USP34: variants seen among roughly 807,000 people sequenced by gnomAD.
The protein encoded by USP34 is ubiquitin carboxyl-terminal hydrolase 34.
USP34 carries 70 observed loss-of-function variants against 460.3 expected under a neutral mutation model. The ratio of observed to expected loss-of-function variants is 0.15; its 90% CI spans 0.13 to 0.19. The LOEUF is 0.19. Among genes scored for constraint, USP34 ranks in the 10% least tolerant of loss-of-function variants. The pLI is 1.00. For synonymous variants in USP34, 1,647 were observed against 1,405.3 expected (o/e 1.17, Z -3.85); for missense variants, 3,985 against 4,236.2 (o/e 0.94, Z 1.65).
At chr2:61,333,585 G>GCTCTT (rs937254139) in intron 19 of USP34, among the ~76,000 whole-genome samples, 1 of 152,046 alleles carries the variant, frequency 6.6e-6, no homozygotes, top group African/African-American at 2.4e-5. Flanking sequence ...CTTTAGTGTG[G>GCTCTT]CTCTTCTTCA....
intron 21 of USP34, among the ~76,000 whole-genome samples, chr2:61,320,710 A>T (rs1317535832): frequency 6.6e-6 from 1 of 152,132 alleles, no homozygotes; most frequent in African/African-American, 2.4e-5. Context: ...ACAAAAAATT[A>T]AAAAACAAAA....
chr2:61,217,447 T>A (rs1264292100), intron 67 of USP34, among the ~76,000 whole-genome samples: 4 of 152,240 alleles, frequency 2.6e-5, no homozygotes, highest in African/African-American at 9.6e-5. Flanking sequence ...TATTCTAAGT[T>A]ATACTAATTC....
intron 41 of USP34, among the ~76,000 whole-genome samples, chr2:61,269,081 T>C (rs1490174199): frequency 1.3e-5 from 2 of 152,156 alleles, no homozygotes; most frequent in Admixed American, 6.5e-5. Context: ...AAGATACTAA[T>C]AAATACATTA....
chr2:61,335,775 G>A (rs922286781), intron 18 of USP34, among the ~76,000 whole-genome samples: 1 of 152,058 alleles, frequency 6.6e-6, no homozygotes, highest in South Asian at 2.1e-4. Context: ...CAATGATCCA[G>A]AGTAATAATA....
chr2:61,348,065 T>G lies in USP34; in HGVS notation c.2090A>C (p.His697Pro), dbSNP rs771597962. Reference sequence around the variant, plus strand: ...AATATCATGTTCTGGGTCTTCAGAGTGTGAACAAGCATCCAGCATTCGCAT... The same window carrying G: ...AATATCATGTTCTGGGTCTTCAGAGGGTGAACAAGCATCCAGCATTCGCAT... ...NRMRMLDACS[H>P]SEDPEHDISG... Residue 697 changes from histidine to proline, a missense_variant, in exon 15 of 80, where the codon CAC becomes CCC. His to Pro is a moderately conservative substitution (Grantham distance 77). Transcript: ENST00000398571. 3.5e-5 allele frequency: 56 copies of G among 1,614,018 alleles called. No homozygotes were observed. The South Asian group carries it at 6.0e-4, about 17-fold the overall frequency.
chr2:61,251,137 C>CA (rs999787001), intron 48 of USP34, among the ~76,000 whole-genome samples: 12 of 150,606 alleles, frequency 8.0e-5, no homozygotes, highest in East Asian at 2.0e-4. Context: ...GACTCCATCT[C>CA]AAAAAAAATA....
rs115426701 is a variant in USP34, at chr2:61,430,417, T to A, written c.44-9584A>T. Among the ~76,000 whole-genome samples, 819 of 151,900 alleles carry A rather than the reference T, an allele frequency of 5.4e-3. 5 individuals carry two copies. The highest frequency in any genetic ancestry group is 0.019 in the African/African-American group (777 of 41,446). On this transcript the variant is annotated intron_variant, in intron 1 of 79. Coordinates refer to ENST00000398571, the MANE Select transcript of USP34 (RefSeq NM_014709.4). Reference sequence around the variant, plus strand: ...AGACTGTCTCAAAAAATAATAATAATAAAATACATTTAAAAATAAAGCTTA... The same window carrying A: ...AGACTGTCTCAAAAAATAATAATAAAAAAATACATTTAAAAATAAAGCTTA...
Position 61,222,604 on chromosome 2 carries a change from C to A in USP34, c.7794+15G>T. 2 of 1,605,066 alleles carry A rather than the reference C, an allele frequency of 1.2e-6. No homozygotes were observed. Among genetic ancestry groups the A allele is most frequent in the Non-Finnish European group, 8.5e-7 (1 of 1,173,550 alleles). On this transcript the variant is annotated intron_variant, in intron 65 of 79. Transcript: ENST00000398571. Reference sequence around the variant, plus strand: ...AAATTGTTTTAAAAACATAAATTAACAAATGTTTACATACCTCAGGAGTCA... The same window carrying A: ...AAATTGTTTTAAAAACATAAATTAAAAAATGTTTACATACCTCAGGAGTCA...
chr2:61,453,349 G>A lies in USP34; in HGVS notation c.43+17301C>T, dbSNP rs549876900. ...GGACTGCTTAAGCCTGGAAAGTAGC[G>A]TTTGCAGTGAGCCATGGTCACGCCA... On this transcript the variant is annotated intron_variant, in intron 1 of 79. Transcript: ENST00000398571. Among the ~76,000 whole-genome samples, 9 of 151,988 alleles carry A rather than the reference G, an allele frequency of 5.9e-5. No individual in the cohort carries two copies. The South Asian group carries it at 1.5e-3, about 25-fold the overall frequency.
At chr2:61,200,564 T>A (rs1029727601) in intron 75 of USP34, 2 of 152,340 alleles carry the variant, frequency 1.3e-5, no homozygotes, top group African/African-American at 4.8e-5. Flanking sequence ...AGACTTTTCC[T>A]CATAACTGGA....
intron 16 of USP34, among the ~76,000 whole-genome samples, chr2:61,343,564 C>A (rs940034970): frequency 6.6e-6 from 1 of 151,968 alleles, no homozygotes; most frequent in Non-Finnish European, 1.5e-5. Context: ...TTAATTATTA[C>A]ATATTATTGC....
At chr2:61,254,417 T>C (rs1688666076) in intron 48 of USP34, among the ~76,000 whole-genome samples, 1 of 152,246 alleles carries the variant, frequency 6.6e-6, no homozygotes, top group African/African-American at 2.4e-5. Flanking sequence ...GGCAATAATC[T>C]GATGCCATCG....
chr2:61,292,105 A>C (rs1461252020), intron 33 of USP34, among the ~76,000 whole-genome samples: 1 of 152,168 alleles, frequency 6.6e-6, no homozygotes, highest in African/African-American at 2.4e-5. Context: ...ACTGTTCTGG[A>C]ATTAGATGCT....
At chr2:61,470,595 C>T in intron 1 of USP34, 55 bp downstream of exon 1, 1 of 1,299,338 alleles carries the variant, frequency 7.7e-7, no homozygotes, top group Non-Finnish European at 1.1e-6. Context: ...GGCCAGAGAG[C>T]TGCGCGAGGA....
At chr2:61,244,113 T>A (rs560426543) in intron 51 of USP34, among the ~76,000 whole-genome samples, 48 of 151,830 alleles carry the variant, frequency 3.2e-4, no homozygotes, top group African/African-American at 1.0e-3. Context: ...AACTATAAAA[T>A]CCAGACTGTA....
Position 61,266,187 on chromosome 2 carries a change from A to G in USP34, c.5434-20T>C. On this transcript the variant is annotated intron_variant, in intron 41 of 79. Transcript: ENST00000398571. Reference sequence around the variant, plus strand: ...AAATTCCTGGGGAGTAAAAGGAAACATGTTATCTAAACTGAGATATTAATT... The same window carrying G: ...AAATTCCTGGGGAGTAAAAGGAAACGTGTTATCTAAACTGAGATATTAATT... 6.3e-7 allele frequency: 1 copy of G among 1,595,016 alleles called. No homozygotes were observed. Among genetic ancestry groups the G allele is most frequent in the Middle Eastern group, 1.7e-4 (1 of 5,994 alleles).
chr2:61,383,988 A>G (rs1693057479), intron 5 of USP34, among the ~76,000 whole-genome samples: 1 of 152,144 alleles, frequency 6.6e-6, no homozygotes, highest in Non-Finnish European at 1.5e-5. Context: ...CATCCCCAAT[A>G]CAAGGCACTG....
intron 49 of USP34, among the ~76,000 whole-genome samples, chr2:61,247,373 T>C (rs1380783923): frequency 6.6e-6 from 1 of 152,164 alleles, no homozygotes; most frequent in Non-Finnish European, 1.5e-5. Context: ...GGAGTGTAGA[T>C]ATGCTTATGG....
intron 27 of USP34, among the ~76,000 whole-genome samples, chr2:61,304,968 T>A (rs767343606): frequency 7.2e-5 from 11 of 152,220 alleles, no homozygotes; most frequent in African/African-American, 1.9e-4. Flanking sequence ...TGATTTATAA[T>A]TGAATACTGA....
Sources: gnomAD v4.1 joint callset for allele counts (sites outside exome capture counted in the v4.1 genomes callset) on GRCh38, gnomAD v4.1.1 for gene constraint, MANE v1.5 for transcripts, NCBI Gene and HGNC (gene_info 2026-07-23, HGNC 2026-07-21) for gene names.